PROM1: variants seen among roughly 807,000 people sequenced by gnomAD.
PROM1 encodes the protein prominin 1, also known as prominin-1.
In PROM1, 105 loss-of-function variants were observed where a neutral mutation model predicts 116.9. The observed-to-expected ratio is 0.90, with a 90% CI of 0.77 to 1.06. PROM1 has a LOEUF of 1.06. Ranked by LOEUF, PROM1 falls within the 50% of genes least tolerant of loss-of-function variation. The pLI is 0.00. For missense variants in PROM1, 1,122 were observed against 1,045.2 expected, an observed-to-expected ratio of 1.07 and a Z score of -1.01; for synonymous variants, 393 against 387.0, an observed-to-expected ratio of 1.02 and a Z score of -0.18.
chr4:16,067,046 G>A (rs1741706687), intron 2 of PROM1, among the ~76,000 whole-genome samples: 2 of 152,182 alleles, frequency 1.3e-5, no homozygotes, highest in African/African-American at 2.4e-5. Flanking sequence ...AGACACACAA[G>A]GAAGATTAGA....
intron 26 of PROM1, chr4:15,976,044 C>T: frequency 2.7e-6 from 1 of 365,978 alleles, no homozygotes. Flanking sequence ...TATCCCTAGC[C>T]CCAGGCTTCA....
intron 2 of PROM1, among the ~76,000 whole-genome samples, chr4:16,044,132 T>A (rs1014382866): frequency 6.6e-6 from 1 of 152,216 alleles, no homozygotes; most frequent in Non-Finnish European, 1.5e-5. Flanking sequence ...AAATAAGAAA[T>A]GTGCCTTGTG....
chr4:15,982,396 A>G (rs1560396462), intron 23 of PROM1, among the ~76,000 whole-genome samples: 1 of 152,078 alleles, frequency 6.6e-6, no homozygotes, highest in Non-Finnish European at 1.5e-5. Flanking sequence ...TCTGTTTTCA[A>G]CCTTGTCTTG....
intron 1 of PROM1, among the ~76,000 whole-genome samples, chr4:16,081,287 C>A (rs1418400284): frequency 1.3e-5 from 2 of 151,924 alleles, no homozygotes; most frequent in African/African-American, 4.8e-5. Context: ...TTGTTCAATT[C>A]CCAACAAACG....
chr4:16,062,614 G>A (rs1740614701), intron 2 of PROM1, among the ~76,000 whole-genome samples: 1 of 152,158 alleles, frequency 6.6e-6, no homozygotes, highest in African/African-American at 2.4e-5. Context: ...ACTCTTAAGT[G>A]TTTTAGTTTT....
chr4:15,997,944 G>A (rs1722733533), intron 15 of PROM1, among the ~76,000 whole-genome samples: 1 of 152,208 alleles, frequency 6.6e-6, no homozygotes. Context: ...CCTCCAGGAG[G>A]GGGCCGGGGT....
At chr4:15,973,442 T>A (rs1445844667) in intron 26 of PROM1, among the ~76,000 whole-genome samples, 1 of 152,104 alleles carries the variant, frequency 6.6e-6, no homozygotes, top group East Asian at 1.9e-4. Flanking sequence ...GTGGAATCTG[T>A]GTCTCAAACA....
At chr4:15,994,418 G>C (rs946482309) in intron 15 of PROM1, among the ~76,000 whole-genome samples, 1 of 152,254 alleles carries the variant, frequency 6.6e-6, no homozygotes, top group African/African-American at 2.4e-5. Flanking sequence ...GCTAGAAAGA[G>C]ACGCACTGCA....
intron 13 of PROM1, among the ~76,000 whole-genome samples, chr4:16,006,095 C>A (rs894225656): frequency 6.6e-6 from 1 of 152,210 alleles, no homozygotes; most frequent in African/African-American, 2.4e-5. Context: ...AGTTCTAAAT[C>A]AAGTTTCTAG....
chr4:15,993,508 T>C (rs578003826), intron 16 of PROM1, among the ~76,000 whole-genome samples: 4 of 152,302 alleles, frequency 2.6e-5, no homozygotes, highest in Admixed American at 2.0e-4. Context: ...TTCCATCCTT[T>C]GCTTTAGTTC....
At chr4:16,004,869 C>CTT (rs1478243636) in intron 13 of PROM1, among the ~76,000 whole-genome samples, 58 of 135,602 alleles carry the variant, frequency 4.3e-4, no homozygotes, top group Non-Finnish European at 7.5e-4. Flanking sequence ...TCCTCTCTCT[C>CTT]TCCCTCTCTC....
chr4:15,976,277 T>C (rs1716101180), intron 26 of PROM1: 1 of 439,470 alleles, frequency 2.3e-6, no homozygotes. Context: ...TTTCTAACAT[T>C]TTCCTGTTTT....
At chr4:16,043,240 G>A (rs893929226) in intron 2 of PROM1, among the ~76,000 whole-genome samples, 2 of 152,134 alleles carry the variant, frequency 1.3e-5, no homozygotes, top group Non-Finnish European at 2.9e-5. Context: ...CTTGGTTTAG[G>A]AGTCAACAGA....
chr4:16,015,930 G>A (rs1306741862), intron 10 of PROM1, among the ~76,000 whole-genome samples: 2 of 152,078 alleles, frequency 1.3e-5, no homozygotes, highest in East Asian at 1.9e-4. Context: ...CAGAGGTCAT[G>A]TTCTTCTTGA....
chr4:15,986,404 C>T (rs754675946), intron 20 of PROM1, among the ~76,000 whole-genome samples: 10 of 152,044 alleles, frequency 6.6e-5, no homozygotes, highest in Non-Finnish European at 1.3e-4. Flanking sequence ...GGGATTTGCA[C>T]CGAACTTTTT....
At chr4:16,077,566 T>A (rs1744224057) in intron 1 of PROM1, among the ~76,000 whole-genome samples, 1 of 152,142 alleles carries the variant, frequency 6.6e-6, no homozygotes, top group Non-Finnish European at 1.5e-5. Context: ...GTCTTTTTCT[T>A]TTCCAAGTCT....
intron 25 of PROM1, 143 bp downstream of exon 25, chr4:15,979,738 A>T (rs1717273594): frequency 1.1e-6 from 1 of 896,204 alleles, no homozygotes. Context: ...TTTTAAGACC[A>T]TTGCAATTTA....
intron 1 of PROM1, among the ~76,000 whole-genome samples, chr4:16,077,885 T>C (rs1744279430): frequency 6.6e-6 from 1 of 152,030 alleles, no homozygotes; most frequent in Admixed American, 6.6e-5. Context: ...ATTTCAAACA[T>C]CCCCCTCTCC....
At chr4:16,074,369 G>GT (rs1743498391) in intron 2 of PROM1, among the ~76,000 whole-genome samples, 1 of 152,180 alleles carries the variant, frequency 6.6e-6, no homozygotes, top group Non-Finnish European at 1.5e-5. Context: ...AAATTAAAGA[G>GT]TTTTTTTAAA....
Sources: allele counts gnomAD v4.1 joint callset (sites outside exome capture counted in the v4.1 genomes callset), GRCh38; gene constraint gnomAD v4.1.1; transcripts MANE v1.5; gene names NCBI Gene and HGNC (gene_info 2026-07-23, HGNC 2026-07-21).